The following PAQR8 variants were observed in gnomAD, a reference collection of about 807,000 sequenced individuals.
PAQR8 encodes membrane progestin receptor beta.
A neutral mutation model predicts 25.2 loss-of-function variants in PAQR8; 17 were observed. The ratio of observed to expected loss-of-function variants is 0.67; its 90% CI spans 0.46 to 1.01. PAQR8 has a LOEUF of 1.01. PAQR8 is among the 50% of genes least tolerant of loss of function. PAQR8 has a pLI of 0.00. For synonymous variants in PAQR8, 204 were observed against 190.6 expected (o/e 1.07, Z -0.58); for missense variants, 392 against 448.4 (o/e 0.87, Z 1.14).
intron 1 of PAQR8, among the ~76,000 whole-genome samples, chr6:52,401,181 A>AT (rs1383539422): frequency 1.3e-5 from 2 of 152,118 alleles, no homozygotes; most frequent in African/African-American, 4.8e-5. Flanking sequence ...CTGATTAGGT[A>AT]TTTTTTCTCT....
In PAQR8 at chr6:52,407,219, A is replaced by G. The variant is rs768249950; in HGVS notation, c.*2941A>G. ...TAAATACCTTTGAAAAAACTAAACT[A>G]TCAGTCATTTACATCCTCTCATGAA... On this transcript the variant is annotated 3_prime_UTR_variant, in exon 2 of 2. Coordinates refer to ENST00000442253, the MANE Select transcript of PAQR8 (RefSeq NM_133367.5). The G allele has an allele frequency of 4.2e-5, 7 of 167,078 alleles. No individual in the cohort carries two copies. The highest frequency in any genetic ancestry group is 2.9e-5 in the Non-Finnish European group (2 of 68,128). The allele number at this position is 167,078 out of a possible 1,614,324, so 10.3% of individuals were successfully genotyped here. A position where few individuals can be genotyped will look rare whatever the true frequency, so the allele number is the denominator to read the frequency against.
At chr6:52,374,045 C>T (rs1193945381) in intron 1 of PAQR8, among the ~76,000 whole-genome samples, 1 of 152,168 alleles carries the variant, frequency 6.6e-6, no homozygotes, top group Non-Finnish European at 1.5e-5. Context: ...CCCACTCCCT[C>T]TCTTACTCCT....
At chr6:52,375,734 A>G (rs1305142120) in intron 1 of PAQR8, among the ~76,000 whole-genome samples, 1 of 152,068 alleles carries the variant, frequency 6.6e-6, no homozygotes, top group Non-Finnish European at 1.5e-5. Flanking sequence ...GTGTTGCCCA[A>G]GCTGGTCTTG....
intron 1 of PAQR8, among the ~76,000 whole-genome samples, chr6:52,395,877 G>A (rs1449014938): frequency 6.6e-6 from 1 of 152,148 alleles, no homozygotes; most frequent in Non-Finnish European, 1.5e-5. Flanking sequence ...ATGACACTGA[G>A]TAATTGATTG....
At chr6:52,367,046 G>A (rs1423832215) in intron 1 of PAQR8, among the ~76,000 whole-genome samples, 1 of 152,094 alleles carries the variant, frequency 6.6e-6, no homozygotes, top group African/African-American at 2.4e-5. Context: ...GCCCAGCCTG[G>A]AGCTGTGATT....
chr6:52,399,734 A>G (rs564147643), intron 1 of PAQR8, among the ~76,000 whole-genome samples: 25 of 152,214 alleles, frequency 1.6e-4, no homozygotes, highest in African/African-American at 5.8e-4. Context: ...CAGACTGGTA[A>G]TTTCATCTGG....
chr6:52,377,602 A>G (rs1172585989), intron 1 of PAQR8, among the ~76,000 whole-genome samples: 4 of 152,180 alleles, frequency 2.6e-5, no homozygotes, highest in African/African-American at 9.7e-5. Context: ...AAATGCTATT[A>G]GGACTTTTGT....
intron 1 of PAQR8, among the ~76,000 whole-genome samples, chr6:52,388,749 T>G (rs1763662035): frequency 6.6e-6 from 1 of 152,200 alleles, no homozygotes; most frequent in African/African-American, 2.4e-5. Context: ...TCTTTGATAT[T>G]TCCTTACAGC....
At chr6:52,398,572 G>A (rs1763795272) in intron 1 of PAQR8, among the ~76,000 whole-genome samples, 1 of 137,238 alleles carries the variant, frequency 7.3e-6, no homozygotes, top group Non-Finnish European at 1.6e-5. Context: ...TGTTGTTTTT[G>A]AGATGAAGTC....
chr6:52,378,093 A>G (rs1763506220), intron 1 of PAQR8, among the ~76,000 whole-genome samples: 1 of 152,224 alleles, frequency 6.6e-6, no homozygotes, highest in South Asian at 2.1e-4. Context: ...CATCTGTACA[A>G]TAGCTAAAAA....
At chr6:52,385,290 C>T (rs62407863) in intron 1 of PAQR8, among the ~76,000 whole-genome samples, 16,629 of 152,250 alleles carry the variant, frequency 0.11, 973 homozygotes, top group Middle Eastern at 0.24. Context: ...TCCCTTTTCT[C>T]TTCCATCGTC....
intron 1 of PAQR8, among the ~76,000 whole-genome samples, chr6:52,380,951 A>G (rs1347477847): frequency 1.3e-5 from 2 of 152,218 alleles, no homozygotes; most frequent in East Asian, 1.9e-4. Context: ...ATTTTTCCAC[A>G]TATAATTTCT....
At chr6:52,377,904 A>G (rs10484877) in intron 1 of PAQR8, among the ~76,000 whole-genome samples, 13,702 of 152,210 alleles carry the variant, frequency 0.09, 859 homozygotes, top group Non-Finnish European at 0.13. Flanking sequence ...TTACACATTT[A>G]GGAAAGTGGA....
Position 52,404,132 on chromosome 6 carries a change from C to CG in PAQR8, c.921dup (p.Gln308AlafsTer62), listed in dbSNP as rs780641380. ...GGCCATCCTCCTGGACTACCAGGGG[C>CG]GGCAGGAGATCTTCCTGCAGCGCCA... On this transcript the variant is annotated frameshift_variant, in exon 2 of 2. Coordinates refer to ENST00000442253, the MANE Select transcript of PAQR8 (RefSeq NM_133367.5). LOFTEE classifies it high-confidence loss of function. 6.2e-7 allele frequency: 1 copy of CG among 1,614,238 alleles called. No homozygotes were observed. Among genetic ancestry groups the CG allele is most frequent in the East Asian group, 2.2e-5 (1 of 44,886 alleles).
At chr6:52,371,463 T>A (rs943762290) in intron 1 of PAQR8, among the ~76,000 whole-genome samples, 10 of 152,140 alleles carry the variant, frequency 6.6e-5, no homozygotes, top group African/African-American at 2.2e-4. Flanking sequence ...AGAAGAAGCA[T>A]GAATTGCATA....
chr6:52,385,732 A>G (rs1485601372), intron 1 of PAQR8, among the ~76,000 whole-genome samples: 2 of 152,146 alleles, frequency 1.3e-5, no homozygotes, highest in Non-Finnish European at 2.9e-5. Context: ...AAAAAATACA[A>G]AAAATTAGCT....
intron 1 of PAQR8, among the ~76,000 whole-genome samples, chr6:52,370,366 A>G (rs1436861976): frequency 6.6e-6 from 1 of 152,192 alleles, no homozygotes; most frequent in Non-Finnish European, 1.5e-5. Context: ...GTTCATTTAC[A>G]GGGATATTTT....
intron 1 of PAQR8, among the ~76,000 whole-genome samples, chr6:52,381,874 A>G (rs1271343454): frequency 6.6e-6 from 1 of 152,208 alleles, no homozygotes; most frequent in Non-Finnish European, 1.5e-5. Context: ...TCTCCCACAT[A>G]CATTAGAGAG....
intron 1 of PAQR8, among the ~76,000 whole-genome samples, chr6:52,388,280 G>C (rs1433585710): frequency 6.6e-6 from 1 of 152,002 alleles, no homozygotes; most frequent in Non-Finnish European, 1.5e-5. Flanking sequence ...GGTGGCTGAG[G>C]CACAAGAATG....
Sources: gnomAD v4.1 joint callset for allele counts (sites outside exome capture counted in the v4.1 genomes callset) on GRCh38, gnomAD v4.1.1 for gene constraint, MANE v1.5 for transcripts, NCBI Gene and HGNC (gene_info 2026-07-23, HGNC 2026-07-21) for gene names.